CDH18: variants seen among roughly 807,000 people sequenced by gnomAD.
CDH18 encodes the protein cadherin-18.
In CDH18, 31 loss-of-function variants were observed where a neutral mutation model predicts 67.9. The observed-to-expected ratio is 0.46, with a 90% CI of 0.34 to 0.62. The LOEUF (loss-of-function observed/expected upper bound fraction) is 0.62. CDH18 is among the 20% of genes least tolerant of loss of function. The pLI, the probability that CDH18 is intolerant of heterozygous loss-of-function variation, is 0.01. For synonymous variants in CDH18, 362 were observed against 347.2 expected, an observed-to-expected ratio of 1.04 and a Z score of -0.48; for missense variants, 890 against 975.5, an observed-to-expected ratio of 0.91 and a Z score of 1.17.
chr5:20,074,730 T>TG (rs1554087083), intron 2 of CDH18, among the ~76,000 whole-genome samples: 21 of 58,386 alleles, frequency 3.6e-4, no homozygotes, highest in East Asian at 3.5e-3. Flanking sequence ...TACAATAGTT[T>TG]GGGGTTTTTT....
At chr5:20,139,393 G>A (rs1750039986) in intron 2 of CDH18, among the ~76,000 whole-genome samples, 1 of 152,114 alleles carries the variant, frequency 6.6e-6, no homozygotes. Flanking sequence ...TTCCATTCAG[G>A]ACATAGGCAT....
chr5:19,836,076 TCC>T (rs948972283), intron 3 of CDH18, among the ~76,000 whole-genome samples: 3 of 152,276 alleles, frequency 2.0e-5, no homozygotes, highest in African/African-American at 7.2e-5. Flanking sequence ...TGAATTTCCC[TCC>T]CTTTTCCAGA....
At position 19,492,067 on chromosome 5, in the gene CDH18, T is replaced by C. The variant is rs569401142; in HGVS notation, c.1631-8515A>G. On this transcript the variant is annotated intron_variant, in intron 11 of 12. Transcript: ENST00000382275. ...AGTAGATATTCCTGATAGCAAATCA[T>C]CAAAAAAAAATAAGCATTTTCAAAT... 5.9e-5 allele frequency among the ~76,000 whole-genome samples: 9 copies of C among 151,340 alleles called. No homozygotes were observed. In the East Asian group the frequency reaches 7.7e-4, roughly 13 times the overall value.
intron 1 of CDH18, among the ~76,000 whole-genome samples, chr5:20,429,729 G>A (rs1306892207): frequency 6.6e-6 from 1 of 152,092 alleles, no homozygotes; most frequent in Non-Finnish European, 1.5e-5. Context: ...TGTTATTTTT[G>A]CAGTAAATGT....
intron 8 of CDH18, among the ~76,000 whole-genome samples, chr5:19,557,154 A>C (rs570012587): frequency 1.3e-5 from 2 of 152,296 alleles, no homozygotes; most frequent in South Asian, 4.1e-4. Flanking sequence ...TATTGAAACA[A>C]ATTCTCAAAA....
At chr5:20,280,035 T>C (rs892355967) in intron 1 of CDH18, among the ~76,000 whole-genome samples, 3 of 152,028 alleles carry the variant, frequency 2.0e-5, no homozygotes, top group Non-Finnish European at 4.4e-5. Flanking sequence ...CTGACTAAAA[T>C]GGAATCAAAC....
chr5:19,504,269 T>C (rs1743730564), intron 10 of CDH18, among the ~76,000 whole-genome samples: 1 of 152,094 alleles, frequency 6.6e-6, no homozygotes, highest in Non-Finnish European at 1.5e-5. Flanking sequence ...TTATGTTTAC[T>C]GGGCTCACTC....
chr5:19,482,736 A>G (rs1310385629), intron 12 of CDH18, among the ~76,000 whole-genome samples: 1 of 151,962 alleles, frequency 6.6e-6, no homozygotes, highest in East Asian at 1.9e-4. Context: ...ACGTAGTTAC[A>G]CTCTTTTTTC....
At chr5:20,410,169 C>T (rs73058752) in intron 1 of CDH18, among the ~76,000 whole-genome samples, 4 of 125,212 alleles carry the variant, frequency 3.2e-5, no homozygotes, top group East Asian at 2.6e-4. Context: ...CAAAGCCAGA[C>T]AAAAACACCA....
At chr5:20,474,053 C>G (rs1752272454) in intron 1 of CDH18, among the ~76,000 whole-genome samples, 1 of 152,012 alleles carries the variant, frequency 6.6e-6, no homozygotes, top group South Asian at 2.1e-4. Flanking sequence ...ATTTTATGTT[C>G]TTCTTAGTAT....
intron 9 of CDH18, among the ~76,000 whole-genome samples, chr5:19,524,412 C>T (rs1747413106): frequency 6.6e-6 from 1 of 150,932 alleles, no homozygotes; most frequent in African/African-American, 2.4e-5. Flanking sequence ...CTTTTAGAAA[C>T]TAACATTAAA....
intron 5 of CDH18, among the ~76,000 whole-genome samples, chr5:19,684,128 C>A (rs2150394882): frequency 6.6e-6 from 1 of 152,198 alleles, no homozygotes; most frequent in South Asian, 2.1e-4. Context: ...GACATTTTCC[C>A]ATCCAGCTGA....
At chr5:19,963,551 G>A (rs1797121026) in intron 2 of CDH18, among the ~76,000 whole-genome samples, 1 of 151,928 alleles carries the variant, frequency 6.6e-6, no homozygotes. Flanking sequence ...GTTGTATAAA[G>A]GGCTTTTTCT....
At chr5:20,196,479 C>T (rs930128857) in intron 2 of CDH18, among the ~76,000 whole-genome samples, 1 of 152,140 alleles carries the variant, frequency 6.6e-6, no homozygotes, top group South Asian at 2.1e-4. Context: ...TTAGATATTA[C>T]TCTGCTTTAT....
At chr5:20,008,540 T>C (rs557980826) in intron 2 of CDH18, among the ~76,000 whole-genome samples, 2 of 152,240 alleles carry the variant, frequency 1.3e-5, no homozygotes, top group South Asian at 4.1e-4. Flanking sequence ...TAATAAAGCA[T>C]TCAAATACAG....
intron 1 of CDH18, among the ~76,000 whole-genome samples, chr5:20,341,818 G>T (rs964758395): frequency 6.6e-6 from 1 of 151,506 alleles, no homozygotes; most frequent in Non-Finnish European, 1.5e-5. Context: ...AGAGAGTCAT[G>T]CAAAAAAAAA....
intron 2 of CDH18, among the ~76,000 whole-genome samples, chr5:19,931,040 T>C (rs1483243525): frequency 6.6e-6 from 1 of 151,960 alleles, no homozygotes; most frequent in Non-Finnish European, 1.5e-5. Flanking sequence ...TACTCAAATA[T>C]TGAAATACTT....
chr5:19,793,165 T>A (rs1170601848), intron 3 of CDH18, among the ~76,000 whole-genome samples: 1 of 152,166 alleles, frequency 6.6e-6, no homozygotes, highest in Non-Finnish European at 1.5e-5. Context: ...GCTGTTTTCT[T>A]CTAAAGACAA....
At chr5:19,774,590 G>A (rs1343915771) in intron 3 of CDH18, among the ~76,000 whole-genome samples, 1 of 150,274 alleles carries the variant, frequency 6.7e-6, no homozygotes, top group Non-Finnish European at 1.5e-5. Flanking sequence ...GGGAGGCTGA[G>A]GCGGGCGGAT....
Sources: gnomAD v4.1 joint callset for allele counts (sites outside exome capture counted in the v4.1 genomes callset) on GRCh38, gnomAD v4.1.1 for gene constraint, MANE v1.5 for transcripts, NCBI Gene and HGNC (gene_info 2026-07-23, HGNC 2026-07-21) for gene names.